Variants in TTC8 observed in about 807,000 individuals in gnomAD.
TTC8 encodes the protein tetratricopeptide repeat protein 8.
In TTC8, 47 loss-of-function variants were observed where a neutral mutation model predicts 72.5. The ratio of observed to expected loss-of-function variants is 0.65; its 90% confidence interval spans 0.51 to 0.83. The LOEUF (loss-of-function observed/expected upper bound fraction) is 0.83. Among genes scored for constraint, TTC8 ranks in the 40% least tolerant of loss-of-function variants. The probability of loss-of-function intolerance (pLI) is 0.00; values close to 1 mark genes in which losing one functional copy is unlikely to be tolerated. For missense variants in TTC8, 611 were observed against 623.2 expected, an observed-to-expected ratio of 0.98 and a Z score of 0.21; for synonymous variants, 199 against 221.4, an observed-to-expected ratio of 0.90 and a Z score of 0.90.
chr14:88,861,379 T>A, intron 10 of TTC8, 47 bp downstream of exon 10: 2 of 1,399,262 alleles, frequency 1.4e-6, no homozygotes, highest in Non-Finnish European at 2.0e-6. Flanking sequence ...ACAATAGTTT[T>A]ACATATTTTT....
intron 10 of TTC8, among the ~76,000 whole-genome samples, chr14:88,865,279 G>C (rs1208945330): frequency 1.3e-5 from 2 of 152,184 alleles, no homozygotes; most frequent in Non-Finnish European, 2.9e-5. Context: ...CTCTTCCTCT[G>C]AATCAGAAGT....
At chr14:88,832,864 G>T (rs532548041) in intron 1 of TTC8, among the ~76,000 whole-genome samples, 1 of 152,200 alleles carries the variant, frequency 6.6e-6, no homozygotes, top group Admixed American at 6.5e-5. Context: ...TTTGTGTTCG[G>T]TTCAGTTGAT....
intron 1 of TTC8, chr14:88,830,765 TAA>T (rs2094721818): frequency 4.6e-6 from 2 of 439,404 alleles, no homozygotes; most frequent in Non-Finnish European, 9.1e-6. Flanking sequence ...TGGATTAATT[TAA>T]ATCACAGAAC....
Position 88,839,510 on chromosome 14 carries a change from A to G in TTC8, c.203A>G (p.Asp68Gly), listed in dbSNP as rs751750627. 6.2e-7 allele frequency: 1 copy of G among 1,613,338 alleles called. No individual in the cohort carries two copies. The highest frequency in any genetic ancestry group is 1.1e-5 in the South Asian group (1 of 91,066). Residue 68 changes from aspartate to glycine, a missense_variant, in exon 3 of 15, where the codon GAT becomes GGT. Physicochemically the swap from Asp to Gly is moderately conservative, Grantham distance 94 (BLOSUM62 -1). Coordinates refer to ENST00000380656, the MANE Select transcript of TTC8 (RefSeq NM_144596.4). ...GAAATGGTATACATAGATGAAATTG[A>G]TGTAGATCAGGAAGGAATTGCAGAA... is the stretch of plus-strand genomic sequence containing the variant. ...LTEMVYIDEI[D>G]VDQEGIAEMM...
intron 1 of TTC8, among the ~76,000 whole-genome samples, chr14:88,829,396 T>C (rs1397534414): frequency 6.6e-6 from 1 of 152,244 alleles, no homozygotes; most frequent in Non-Finnish European, 1.5e-5. Context: ...GCAGCTCATG[T>C]TGATCATCCT....
intron 10 of TTC8, among the ~76,000 whole-genome samples, chr14:88,867,811 G>A (rs1452967192): frequency 1.3e-5 from 2 of 152,210 alleles, no homozygotes; most frequent in Admixed American, 6.5e-5. Context: ...TGAGGCTTGA[G>A]CCTTCTTTGC....
At chr14:88,859,614 T>C (rs1595969505) in intron 9 of TTC8, among the ~76,000 whole-genome samples, 1 of 151,712 alleles carries the variant, frequency 6.6e-6, no homozygotes, top group East Asian at 1.9e-4. Context: ...CCCCATGATA[T>C]GAGTTTACCT....
At chr14:88,843,169 C>G (rs2094789984) in intron 6 of TTC8, among the ~76,000 whole-genome samples, 1 of 152,128 alleles carries the variant, frequency 6.6e-6, no homozygotes, top group Non-Finnish European at 1.5e-5. Context: ...TTAGCCCTGG[C>G]TGTACATGAG....
At chr14:88,824,847 T>A (rs1313256667) in intron 1 of TTC8, 26 bp downstream of exon 1, 1 of 1,584,038 alleles carries the variant, frequency 6.3e-7, no homozygotes, top group Non-Finnish European at 8.6e-7. Flanking sequence ...CGTCAGCCTG[T>A]GCATCCTGAC....
chr14:88,862,926 G>A (rs1400374192), intron 10 of TTC8, among the ~76,000 whole-genome samples: 1 of 151,620 alleles, frequency 6.6e-6, no homozygotes, highest in Non-Finnish European at 1.5e-5. Context: ...ATATCAGGTT[G>A]GGCAAATTCT....
chr14:88,870,041 T>G lies in TTC8; in HGVS notation c.910-18T>G, dbSNP rs926909254. 6 of 1,613,348 alleles carry G rather than the reference T, an allele frequency of 3.7e-6. No individual in the cohort carries two copies. The highest frequency in any genetic ancestry group is 4.2e-6 in the Non-Finnish European group (5 of 1,179,676). The stretch of plus-strand genomic sequence containing the variant: ...CAATATTAATAAAATATTGCTCTTC[T>G]CTCTTGATGGAGAATAGGAAATGAA... On this transcript the variant is annotated intron_variant, in intron 10 of 14. Coordinates refer to ENST00000380656, the MANE Select transcript of TTC8 (RefSeq NM_144596.4).
chr14:88,841,345 T>C, intron 5 of TTC8, 80 bp from the exon 6 acceptor site: 1 of 1,595,916 alleles, frequency 6.3e-7, no homozygotes, highest in Non-Finnish European at 8.6e-7. Flanking sequence ...ATGTTGCCTT[T>C]ATATTTTTAT....
chr14:88,847,710 T>G (rs1451480188), intron 7 of TTC8, among the ~76,000 whole-genome samples: 1 of 152,146 alleles, frequency 6.6e-6, no homozygotes, highest in Non-Finnish European at 1.5e-5. Flanking sequence ...GACTTACTGA[T>G]GCATATGTGT....
At chr14:88,860,687 C>T (rs1254312564) in intron 9 of TTC8, among the ~76,000 whole-genome samples, 3 of 152,136 alleles carry the variant, frequency 2.0e-5, no homozygotes, top group Admixed American at 6.6e-5. Flanking sequence ...ATAGTAAACT[C>T]ACAGTAAGCA....
chr14:88,859,747 AC>A (rs2094874871), intron 9 of TTC8, among the ~76,000 whole-genome samples: 1 of 150,268 alleles, frequency 6.7e-6, no homozygotes, highest in Non-Finnish European at 1.5e-5. Context: ...ACATAGTGAG[AC>A]TCATCTCTAA....
chr14:88,829,334 C>T (rs1250269231), intron 1 of TTC8, among the ~76,000 whole-genome samples: 1 of 152,128 alleles, frequency 6.6e-6, no homozygotes, highest in Non-Finnish European at 1.5e-5. Context: ...AGAGGAAATG[C>T]AAAACAGTCC....
chr14:88,858,333 T>A (rs1455542075), intron 9 of TTC8, among the ~76,000 whole-genome samples: 1 of 151,994 alleles, frequency 6.6e-6, no homozygotes. Flanking sequence ...AAAACACAAG[T>A]GGTGGTGATG....
chr14:88,872,403 C>T lies in TTC8; in HGVS notation c.1298C>T (p.Ala433Val), dbSNP rs1429274318. ...ALVNNNNHAE[A>V]YNNLAVLEMR... is the part of the protein sequence containing the mutation. ...GTCAACAACAACAACCACGCCGAGG[C>T]CTACAACAACCTGGCTGTGCTGGAG... The change falls in exon 13 of 15, where the codon GCC (alanine) becomes GTC (valine). Residue 433 changes from alanine to valine, a missense_variant. Transcript: ENST00000380656. 1 of 1,613,998 alleles carries T rather than the reference C, an allele frequency of 6.2e-7. No individual in the cohort carries two copies. The highest frequency in any genetic ancestry group is 1.7e-5 in the Admixed American group (1 of 60,014).
chr14:88,861,419 T>C (rs2094885441), intron 10 of TTC8, 87 bp downstream of exon 10: 1 of 934,298 alleles, frequency 1.1e-6, no homozygotes, highest in East Asian at 2.7e-5. Context: ...AATTCCTGTA[T>C]ACAATGTGTA....
Sources: gnomAD v4.1 joint callset for allele counts (sites outside exome capture counted in the v4.1 genomes callset) on GRCh38, gnomAD v4.1.1 for gene constraint, MANE v1.5 for transcripts, NCBI Gene and HGNC (gene_info 2026-07-23, HGNC 2026-07-21) for gene names.